IMP4: variants seen among roughly 807,000 people sequenced by gnomAD.
The protein encoded by IMP4 is IMP U3 small nucleolar ribonucleoprotein 4.
Under a neutral mutation model 42.7 loss-of-function variants are expected in IMP4, and 30 were observed. The observed-to-expected ratio is 0.70, with a 90% CI of 0.53 to 0.95. The LOEUF is 0.95. Ranked by LOEUF, IMP4 falls within the 40% of genes least tolerant of loss-of-function variation. The pLI, the probability that IMP4 is intolerant of heterozygous loss-of-function variation, is 0.00. For missense variants in IMP4, 382 were observed against 411.4 expected (o/e 0.93, Z 0.62); for synonymous variants, 165 against 165.2 (o/e 1.00, Z 0.01).
Position 130,343,160 on chromosome 2 carries a change from G to C in IMP4, c.78G>C (p.Gln26His), listed in dbSNP as rs1174931856. 2.6e-6 allele frequency: 4 copies of C among 1,550,586 alleles called. No individual in the cohort carries two copies. The highest frequency in any genetic ancestry group is 3.5e-6 in the Non-Finnish European group (4 of 1,146,402). Residue 26 changes from glutamine (Q) to histidine (H), a missense_variant, in exon 2 of 9, where the codon CAG becomes CAC. Gln to His is a conservative substitution (Grantham distance 24). Transcript: ENST00000259239. ...KAREEAQRSA[Q>H]ERKERLRRAL... ...GGGAGGAGGCGCAGCGCTCAGCCCA[G>C]GAGAGGAAGGAGCGGCTGCGGCGCG...
chr2:130,345,283 G>A lies in IMP4; in HGVS notation c.197-93G>A, dbSNP rs1035781470. ...GAGCATTCCTATTGTTGAAGGCTTCGGCAGACAGCGACATCCAGGCGGTCT... is the reference window on the plus strand; with the variant it reads ...GAGCATTCCTATTGTTGAAGGCTTCAGCAGACAGCGACATCCAGGCGGTCT... On this transcript the variant is annotated intron_variant, in intron 3 of 8. Transcript: ENST00000259239. The surrounding 1 kb of genome is among the most constrained non-coding windows in gnomAD (Gnocchi z 4.9). The A allele has an allele frequency of 3.0e-5, 28 of 933,074 alleles. No homozygotes were observed. Among genetic ancestry groups the A allele is most frequent in the East Asian group, 1.6e-4 (6 of 38,240 alleles). The allele number at this position is 933,074 out of a possible 1,614,324, so 57.8% of individuals were successfully genotyped here.
At position 130,346,250 on chromosome 2, in the gene IMP4, G is replaced by A. The variant is rs776773967; in HGVS notation, c.739G>A (p.Val247Ile). The A allele has an allele frequency of 3.3e-5, 54 of 1,614,044 alleles. No individual in the cohort carries two copies. The highest frequency in any genetic ancestry group is 3.3e-4 in the Middle Eastern group (2 of 6,084). Residue 247 changes from valine (V) to isoleucine (I), a missense_variant, in exon 8 of 9, where the codon GTC becomes ATC. By Grantham distance (29) the Val-to-Ile change is conservative. Coordinates refer to ENST00000259239, the MANE Select transcript of IMP4 (RefSeq NM_033416.3). Reference protein sequence around the residue: ...TDHRNVELTEVGPRFELKLYM... With the variant: ...TDHRNVELTEIGPRFELKLYM... ...CCACCGCAACGTGGAGCTCACTGAG[G>A]TCGGGCCCCGCTTTGAGCTGAAGCG...
In IMP4 at chr2:130,346,353, C is replaced by T. The variant is rs754302913; in HGVS notation, c.764-3C>T. ...CCGGGGCTGATGCCATCCCTGCCTG[C>T]AGTGTACATGATCCGTCTGGGCACG... On this transcript the variant is annotated splice_polypyrimidine_tract_variant and splice_region_variant and intron_variant, in intron 8 of 8. Coordinates refer to ENST00000259239, the MANE Select transcript of IMP4 (RefSeq NM_033416.3). 84 of 1,595,542 alleles carry T rather than the reference C, an allele frequency of 5.3e-5. No individual in the cohort carries two copies. The highest frequency in any genetic ancestry group is 2.0e-4 in the Admixed American group (11 of 56,262).
Position 130,345,606 on chromosome 2 carries a change from C to T in IMP4, c.346C>T (p.Arg116Ter), listed in dbSNP as rs774321649. 5.0e-6 allele frequency: 8 copies of T among 1,614,156 alleles called. No individual in the cohort carries two copies. In the Admixed American group the frequency reaches 6.7e-5, roughly 13 times the overall value. Residue 116 changes from arginine (R) to a stop codon, truncating the protein, a stop_gained, in exon 5 of 9, where the codon CGA (arginine) becomes TGA (stop). Transcript: ENST00000259239. LOFTEE classifies it high-confidence loss of function. This position sits in a 1 kb window ranked among gnomAD's most constrained non-coding sequence, Gnocchi z 4.9. ...LVFPGAQRMN[R>*]GRHEVGALVR... ...GTTCCCGGGCGCCCAGCGAATGAACCGAGGTCGACATGAAGTGGGGGCACT... is the reference window on the plus strand; with the variant it reads ...GTTCCCGGGCGCCCAGCGAATGAACTGAGGTCGACATGAAGTGGGGGCACT...
rs1679444954 is a variant in IMP4 at position 130,345,344 on chromosome 2, T to G, written c.197-32T>G. 6.5e-7 allele frequency: 1 copy of G among 1,550,322 alleles called. No individual in the cohort carries two copies. Among genetic ancestry groups the G allele is most frequent in the South Asian group, 1.1e-5 (1 of 88,730 alleles). Reference sequence around the variant, plus strand: ...GAAGTTAGCATTTCATTCCCAAGACTGTCATGTTCTTGCCCCTCGTGCTCC... The same window carrying G: ...GAAGTTAGCATTTCATTCCCAAGACGGTCATGTTCTTGCCCCTCGTGCTCC... On this transcript the variant is annotated intron_variant, in intron 3 of 8. Transcript: ENST00000259239. This position sits in a 1 kb window ranked among gnomAD's most constrained non-coding sequence, Gnocchi z 4.9.
chr2:130,345,755 C>CT lies in IMP4; in HGVS notation c.440-23dup. 2 of 1,612,672 alleles carry CT rather than the reference C, an allele frequency of 1.2e-6. No homozygotes were observed. Among genetic ancestry groups the CT allele is most frequent in the South Asian group, 1.1e-5 (1 of 91,086 alleles). On this transcript the variant is annotated intron_variant, in intron 5 of 8. Coordinates refer to ENST00000259239, the MANE Select transcript of IMP4 (RefSeq NM_033416.3). The surrounding 1 kb of genome is among the most constrained non-coding windows in gnomAD (Gnocchi z 4.9). Reference sequence around the variant, plus strand: ...AGCCGTCTGAGGGCAGACGGGGTCTCTGACAGCCACCTTTCCCCGCCAGTG... The same window carrying CT: ...AGCCGTCTGAGGGCAGACGGGGTCTCTTGACAGCCACCTTTCCCCGCCAGTG...
chr2:130,344,868 G>T (rs751704695), intron 3 of IMP4, 156 bp downstream of exon 3: 2 of 634,060 alleles, frequency 3.2e-6, no homozygotes, highest in Non-Finnish European at 5.7e-6. Flanking sequence ...CTCTCCCTGA[G>T]TGTGCCCTGT....
chr2:130,342,918 G>A lies in IMP4; in HGVS notation c.-15G>A. ...CCACAGATTCTCCCGGACCCACGTG[G>A]AAGCGGCACTCAAGATGGTAGGAGA... On this transcript the variant is annotated 5_prime_UTR_variant, in exon 1 of 9. Transcript: ENST00000259239. 6.2e-7 allele frequency: 1 copy of A among 1,614,144 alleles called. No individual in the cohort carries two copies. Among genetic ancestry groups the A allele is most frequent in the South Asian group, 1.1e-5 (1 of 91,072 alleles).
intron 2 of IMP4, among the ~76,000 whole-genome samples, chr2:130,343,875 G>C (rs953967266): frequency 7.2e-5 from 11 of 152,344 alleles, no homozygotes; most frequent in African/African-American, 2.2e-4. Flanking sequence ...TGCGCACCTG[G>C]AGCGCTGTGC....
Position 130,343,390 on chromosome 2 carries a change from C to T in IMP4, c.112+196C>T, listed in dbSNP as rs376438230. On this transcript the variant is annotated intron_variant, in intron 2 of 8. Transcript: ENST00000259239. ...CTGACGTTGCAGTACCCGGGTTTTG[C>T]AGCTTGCCCGCTGTGTGCAGTGTGT... 1.3e-4 allele frequency: 93 copies of T among 714,680 alleles called. 4 individuals carry two copies. The South Asian group carries it at 1.3e-3, about 10-fold the overall frequency. 44.3% of individuals were successfully genotyped at this position (714,680 alleles called of 1,614,324 possible).
chr2:130,344,892 C>T (rs1679400249), intron 3 of IMP4, 180 bp downstream of exon 3: 2 of 606,126 alleles, frequency 3.3e-6, no homozygotes, highest in East Asian at 2.8e-5. Flanking sequence ...ACTTACATGG[C>T]ACACATGGGA....
chr2:130,344,297 C>T (rs1375369035), intron 2 of IMP4, among the ~76,000 whole-genome samples: 3 of 151,812 alleles, frequency 2.0e-5, no homozygotes, highest in Non-Finnish European at 2.9e-5. Context: ...CACTGCACTG[C>T]TCTGCCTGGG....
rs1223780568 is a variant in IMP4, at chr2:130,346,769, C to T, written c.*301C>T. 2 of 445,526 alleles carry T rather than the reference C, an allele frequency of 4.5e-6. No homozygotes were observed. The highest frequency in any genetic ancestry group is 8.4e-6 in the Non-Finnish European group (2 of 238,976). The allele number at this position is 445,526 out of a possible 1,614,324, so 27.6% of individuals were successfully genotyped here. On this transcript the variant is annotated 3_prime_UTR_variant, in exon 9 of 9. Transcript: ENST00000259239. ...GAGAGAGAGATTTGATGCTAACGTC[C>T]CCTCAAGAGTGAGGGTCATATGAGC...
chr2:130,344,067 G>C (rs1231728401), intron 2 of IMP4, among the ~76,000 whole-genome samples: 1 of 152,148 alleles, frequency 6.6e-6, no homozygotes, highest in Non-Finnish European at 1.5e-5. Context: ...TGTGGCTCAC[G>C]CCTGTAATCC....
intron 3 of IMP4, chr2:130,344,991 G>C (rs1679408220): frequency 3.5e-6 from 2 of 568,424 alleles, no homozygotes; most frequent in African/African-American, 3.7e-5. Context: ...ACACATTATT[G>C]GTGCCCATAC....
At chr2:130,343,740 A>G (rs1410310677) in intron 2 of IMP4, among the ~76,000 whole-genome samples, 3 of 144,902 alleles carry the variant, frequency 2.1e-5, no homozygotes, top group Admixed American at 1.4e-4. Context: ...CTCCGTCTCA[A>G]AAAAAAAAAA....
intron 2 of IMP4, among the ~76,000 whole-genome samples, chr2:130,344,310 A>G (rs1679336400): frequency 6.6e-6 from 1 of 152,084 alleles, no homozygotes. Context: ...TGCCTGGGTG[A>G]CAGAGCGAGA....
chr2:130,344,321 C>A (rs1258597683), intron 2 of IMP4, among the ~76,000 whole-genome samples: 11 of 151,150 alleles, frequency 7.3e-5, no homozygotes, highest in Non-Finnish European at 1.3e-4. Flanking sequence ...CAGAGCGAGA[C>A]TCCGTCTCAA....
chr2:130,346,554 A>C lies in IMP4; in HGVS notation c.*86A>C. On this transcript the variant is annotated 3_prime_UTR_variant, in exon 9 of 9. Coordinates refer to ENST00000259239, the MANE Select transcript of IMP4 (RefSeq NM_033416.3). The stretch of plus-strand genomic sequence containing the variant: ...GACCCACCAGTAGGAACTGTCACAG[A>C]ATGGCCTGCTGAACTGGGATGTGGA... 1 of 933,430 alleles carries C rather than the reference A, an allele frequency of 1.1e-6. No individual in the cohort carries two copies. The highest frequency in any genetic ancestry group is 1.7e-6 in the Non-Finnish European group (1 of 591,936). The allele number at this position is 933,430 out of a possible 1,614,324, so 57.8% of individuals were successfully genotyped here. A position where few individuals can be genotyped will look rare whatever the true frequency, so the allele number is the denominator to read the frequency against.
Sources: gnomAD v4.1 joint callset for allele counts (sites outside exome capture counted in the v4.1 genomes callset) on GRCh38, gnomAD v4.1.1 for gene constraint, Gnocchi (gnomAD v3.1) non-coding constraint, MANE v1.5 for transcripts, NCBI Gene and HGNC (gene_info 2026-07-23, HGNC 2026-07-21) for gene names.